FOXP1: variants seen among roughly 807,000 people sequenced by gnomAD.
FOXP1 encodes forkhead box P1.
FOXP1 carries 15 observed loss-of-function variants against 98.2 expected under a neutral mutation model. The ratio of observed to expected loss-of-function variants is 0.15; its 90% CI spans 0.10 to 0.24. The LOEUF is 0.24. Ranked by LOEUF, FOXP1 falls within the 10% of genes least tolerant of loss-of-function variation. FOXP1 has a pLI of 1.00. For missense variants in FOXP1, 633 were observed against 848.5 expected (o/e 0.75, Z 3.15); for synonymous variants, 371 against 314.5 (o/e 1.18, Z -1.90).
intron 3 of FOXP1, among the ~76,000 whole-genome samples, chr3:71,435,182 G>A (rs2085135695): frequency 7.4e-6 from 1 of 134,544 alleles, no homozygotes; most frequent in Admixed American, 8.1e-5. Flanking sequence ...GGGGACGGTA[G>A]AAAGGGATGG....
intron 3 of FOXP1, among the ~76,000 whole-genome samples, chr3:71,493,169 A>C (rs1560562042): frequency 6.6e-6 from 1 of 152,226 alleles, no homozygotes; most frequent in South Asian, 2.1e-4. Context: ...CATGGACCAA[A>C]ACTGAGATAG....
chr3:70,970,576 G>A (rs1308239139), intron 19 of FOXP1, 160 bp downstream of exon 19: 20 of 709,150 alleles, frequency 2.8e-5, no homozygotes, highest in East Asian at 1.3e-4. Flanking sequence ...GAAGCAGCCC[G>A]ATGTGTTTGC....
chr3:71,211,043 A>G (rs12714772), intron 5 of FOXP1, among the ~76,000 whole-genome samples: 128,017 of 152,158 alleles, frequency 0.84, 53,878 homozygotes, highest in South Asian at 0.9. Flanking sequence ...AGTTTTGAAA[A>G]CTAGGCTAAA....
chr3:71,043,284 A>AT (rs1332436595), intron 10 of FOXP1, among the ~76,000 whole-genome samples: 10 of 152,152 alleles, frequency 6.6e-5, no homozygotes, highest in Admixed American at 5.2e-4. Flanking sequence ...ATTTTGATGG[A>AT]TTTTGTCCCA....
At chr3:71,227,732 TA>T (rs59752685) in intron 5 of FOXP1, among the ~76,000 whole-genome samples, 2,243 of 139,318 alleles carry the variant, frequency 0.016, 27 homozygotes, top group African/African-American at 0.04. Context: ...TCAATGTTTT[TA>T]AAAAAAAAAA....
At chr3:71,424,381 T>C (rs34502179) in intron 3 of FOXP1, among the ~76,000 whole-genome samples, 66,462 of 152,034 alleles carry the variant, frequency 0.44, 16,146 homozygotes, top group Non-Finnish European at 0.56. Context: ...CCTATCTCAT[T>C]TGTAATCCCC....
rs148589330 is a variant in FOXP1, at chr3:71,521,820, C to T, written c.-297-28265G>A. Reference sequence around the variant, plus strand: ...ACAACAGGGTGAGGCCATCTGCTTGCTCCTGTCGGCTCTGGCATCTGTATC... The same window carrying T: ...ACAACAGGGTGAGGCCATCTGCTTGTTCCTGTCGGCTCTGGCATCTGTATC... On this transcript the variant is annotated intron_variant, in intron 2 of 20. Transcript: ENST00000649528. 6.9e-4 allele frequency among the ~76,000 whole-genome samples: 105 copies of T among 152,268 alleles called. 1 individual carries two copies. The East Asian group carries it at 0.019, about 27-fold the overall frequency.
At position 71,198,000 on chromosome 3, in the gene FOXP1, A is replaced by G. The variant is rs761172855; in HGVS notation, c.180+202T>C. 8.7e-6 allele frequency: 14 copies of G among 1,614,100 alleles called. No homozygotes were observed. The Admixed American group carries it at 1.3e-4, about 15-fold the overall frequency. ...GGACCTGCAGGACTTCCAACTCCCA[A>G]GGGCTTGAAATTAGTCTCTTAAGCC... On this transcript the variant is annotated intron_variant, in intron 6 of 20. Coordinates refer to ENST00000649528, the MANE Select transcript of FOXP1 (RefSeq NM_001349338.3).
intron 2 of FOXP1, among the ~76,000 whole-genome samples, chr3:71,549,654 C>A (rs2045619739): frequency 6.6e-6 from 1 of 152,124 alleles, no homozygotes; most frequent in African/African-American, 2.4e-5. Flanking sequence ...GGATTACAGG[C>A]ATGAGCCACC....
chr3:71,057,508 A>C (rs972032415), intron 7 of FOXP1, among the ~76,000 whole-genome samples: 1 of 151,538 alleles, frequency 6.6e-6, no homozygotes, highest in Admixed American at 6.6e-5. Context: ...TAACTACCTT[A>C]ACTGTTTGAG....
At chr3:71,489,790 C>A (rs145379888) in intron 3 of FOXP1, among the ~76,000 whole-genome samples, 2 of 152,322 alleles carry the variant, frequency 1.3e-5, no homozygotes, top group East Asian at 3.9e-4. Flanking sequence ...CGGCATCAAT[C>A]GAGTACATTA....
chr3:71,581,528 C>CCCGCGG, intron 2 of FOXP1, 21 bp downstream of exon 2: 1 of 985,454 alleles, frequency 1.0e-6, no homozygotes, highest in Non-Finnish European at 1.2e-6. Flanking sequence ...GGACCCCGCG[C>CCCGCGG]CCGCGGCCGC....
rs182266160 is a variant in FOXP1 at position 70,970,769 on chromosome 3, G to A, written c.1689C>T (p.His563=). 3.7e-5 allele frequency: 59 copies of A among 1,614,004 alleles called. No individual in the cohort carries two copies. Among genetic ancestry groups the A allele is most frequent in the South Asian group, 1.2e-4 (11 of 91,082 alleles). Residue 563 remains histidine (H), a synonymous_variant, in exon 19 of 21, where the codon CAC becomes CAT. Transcript: ENST00000649528. ...PSLIKNMQSS[H]AYCTPLNAAL... is the part of the protein sequence containing the mutation. ...CTGCATTGAGAGGTGTGCAGTAGGC[G>A]TGGCTGCTCTGCATGTTTTTAATAA...
chr3:71,314,529 A>AT (rs879712383), intron 4 of FOXP1, among the ~76,000 whole-genome samples: 24,487 of 136,560 alleles, frequency 0.18, 2,230 homozygotes, highest in Non-Finnish European at 0.21. Flanking sequence ...TCCGTCTAAA[A>AT]AATATATATA....
intron 6 of FOXP1, among the ~76,000 whole-genome samples, chr3:71,150,035 G>T (rs757653007): frequency 6.6e-6 from 1 of 152,174 alleles, no homozygotes; most frequent in Non-Finnish European, 1.5e-5. Context: ...CAATCCATTT[G>T]GAAGTGTTTG....
chr3:71,470,005 C>T (rs1490546348), intron 3 of FOXP1, among the ~76,000 whole-genome samples: 3 of 151,930 alleles, frequency 2.0e-5, no homozygotes, highest in African/African-American at 2.4e-5. Context: ...TCTCTCCTCT[C>T]GCTTTCCAAC....
chr3:71,461,812 A>T (rs2088150990), intron 3 of FOXP1, among the ~76,000 whole-genome samples: 1 of 152,112 alleles, frequency 6.6e-6, no homozygotes, highest in African/African-American at 2.4e-5. Context: ...AGAAAAAAAA[A>T]AAAGAAGGAA....
At chr3:71,497,854 C>A (rs1403267767) in intron 2 of FOXP1, among the ~76,000 whole-genome samples, 1 of 152,116 alleles carries the variant, frequency 6.6e-6, no homozygotes, top group Non-Finnish European at 1.5e-5. Context: ...CTCAACCCTG[C>A]TAATCAAGAG....
At chr3:71,519,882 G>A (rs938394609) in intron 2 of FOXP1, among the ~76,000 whole-genome samples, 2 of 152,214 alleles carry the variant, frequency 1.3e-5, no homozygotes, top group Non-Finnish European at 2.9e-5. Flanking sequence ...CATAAATGTG[G>A]GGGCCAGTCC....
Sources: gnomAD v4.1 joint callset for allele counts (sites outside exome capture counted in the v4.1 genomes callset) on GRCh38, gnomAD v4.1.1 for gene constraint, MANE v1.5 for transcripts, NCBI Gene and HGNC (gene_info 2026-07-23, HGNC 2026-07-21) for gene names.